COP1: variants seen among roughly 807,000 people sequenced by gnomAD.
COP1 encodes E3 ubiquitin-protein ligase COP1.
COP1 carries 24 observed loss-of-function variants against 101.3 expected under a neutral mutation model. That is an observed-to-expected ratio of 0.24 (90% CI 0.17 to 0.33). The LOEUF (loss-of-function observed/expected upper bound fraction) is 0.33, where lower values mean the gene tolerates loss of function less well. COP1 is among the 10% of genes least tolerant of loss of function. The pLI is 1.00. For synonymous variants in COP1, 347 were observed against 341.9 expected (o/e 1.01, Z -0.17); for missense variants, 663 against 906.2 (o/e 0.73, Z 3.45).
chr1:176,120,271 T>C (rs1426903718), intron 8 of COP1, among the ~76,000 whole-genome samples: 1 of 151,574 alleles, frequency 6.6e-6, no homozygotes, highest in Non-Finnish European at 1.5e-5. Context: ...AATACAAAAA[T>C]GAGCTGGGCA....
At chr1:176,052,959 T>C (rs1267754538) in intron 11 of COP1, among the ~76,000 whole-genome samples, 1 of 152,138 alleles carries the variant, frequency 6.6e-6, no homozygotes, top group African/African-American at 2.4e-5. Context: ...TCAAATTATT[T>C]AACCAGGAAC....
rs115434945 is a variant in COP1, at chr1:176,085,379, G to A, written c.1141+397C>T. Reference sequence around the variant, plus strand: ...GTTTATCTGTTGCTTTCCCTGACTCGATTTACAACACTCCTTAATGACAGA... The same window carrying A: ...GTTTATCTGTTGCTTTCCCTGACTCAATTTACAACACTCCTTAATGACAGA... On this transcript the variant is annotated intron_variant, in intron 10 of 19. Transcript: ENST00000367669. 8.1e-3 allele frequency among the ~76,000 whole-genome samples: 1,234 copies of A among 151,984 alleles called. 25 individuals are homozygous for A. Among genetic ancestry groups the A allele is most frequent in the African/African-American group, 0.028 (1,170 of 41,464 alleles).
At chr1:176,115,681 G>C (rs1686070321) in intron 9 of COP1, among the ~76,000 whole-genome samples, 1 of 151,900 alleles carries the variant, frequency 6.6e-6, no homozygotes, top group Non-Finnish European at 1.5e-5. Context: ...CCCAGGAGGA[G>C]GTTGCAGTGA....
At chr1:175,972,715 C>G (rs183098140) in intron 18 of COP1, among the ~76,000 whole-genome samples, 1 of 152,192 alleles carries the variant, frequency 6.6e-6, no homozygotes, top group East Asian at 1.9e-4. Flanking sequence ...ATCTGCCCGC[C>G]TCGACCTCCC....
chr1:176,203,336 CA>C (rs1332021016), intron 1 of COP1, among the ~76,000 whole-genome samples: 1 of 149,280 alleles, frequency 6.7e-6, no homozygotes, highest in African/African-American at 2.5e-5. Context: ...GACTCCGTCT[CA>C]AAAAAAAAGA....
At chr1:176,000,512 A>G (rs1661344085) in intron 15 of COP1, among the ~76,000 whole-genome samples, 1 of 152,068 alleles carries the variant, frequency 6.6e-6, no homozygotes, top group Non-Finnish European at 1.5e-5. Flanking sequence ...AATGGCTATG[A>G]CAACATTAGA....
intron 15 of COP1, among the ~76,000 whole-genome samples, chr1:176,006,319 C>T (rs1663199618): frequency 6.6e-6 from 1 of 152,152 alleles, no homozygotes; most frequent in South Asian, 2.1e-4. Context: ...CAGTCTGTGT[C>T]TTTTCATTGG....
At chr1:176,083,768 G>C (rs934207133) in intron 10 of COP1, among the ~76,000 whole-genome samples, 5 of 152,058 alleles carry the variant, frequency 3.3e-5, no homozygotes, top group African/African-American at 9.7e-5. Context: ...AACCTCTTAG[G>C]TACACCGTTT....
chr1:176,076,010 A>AG, intron 11 of COP1, among the ~76,000 whole-genome samples: 1 of 151,052 alleles, frequency 6.6e-6, no homozygotes, highest in East Asian at 1.9e-4. Flanking sequence ...TCTCAAAAAA[A>AG]AAAAAAAAAA....
chr1:176,186,482 G>C (rs1049676020), intron 1 of COP1, among the ~76,000 whole-genome samples: 4 of 152,138 alleles, frequency 2.6e-5, no homozygotes, highest in Non-Finnish European at 5.9e-5. Context: ...CGAAGCTGCA[G>C]TGAACAGAGA....
rs747892307 is a variant in COP1, at chr1:176,148,988, A to G, written c.831+18T>C. The G allele has an allele frequency of 4.7e-6, 7 of 1,478,620 alleles. No individual in the cohort carries two copies. Among genetic ancestry groups the G allele is most frequent in the Admixed American group, 1.9e-5 (1 of 52,404 alleles). The allele number at this position is 1,478,620 out of a possible 1,614,324, so 91.6% of individuals were successfully genotyped here. A position where few individuals can be genotyped will look rare whatever the true frequency, so the allele number is the denominator to read the frequency against. ...AATAGTAAATAAAACATTATGTAAA[A>G]CACACAAAATAATATACCTCTCTCT... On this transcript the variant is annotated intron_variant, in intron 6 of 19. Transcript: ENST00000367669.
Position 175,984,965 on chromosome 1 carries a change from A to G in COP1, c.2133+1978T>C, listed in dbSNP as rs370208213. 2.6e-5 allele frequency among the ~76,000 whole-genome samples: 4 copies of G among 152,314 alleles called. No individual in the cohort carries two copies. In the East Asian group the frequency reaches 7.7e-4, roughly 29 times the overall value. ...TTTGCTGATGATTTTACAGACTCAT[A>G]GGCAGAAGGGACTTGGCTTATCTCA... On this transcript the variant is annotated intron_variant, in intron 18 of 19. Coordinates refer to ENST00000367669, the MANE Select transcript of COP1 (RefSeq NM_022457.7).
At chr1:176,190,657 C>T (rs1240118461) in intron 1 of COP1, among the ~76,000 whole-genome samples, 2 of 151,860 alleles carry the variant, frequency 1.3e-5, no homozygotes, top group African/African-American at 2.4e-5. Flanking sequence ...CAAGTAACAT[C>T]GTTAATCAGT....
chr1:176,002,221 A>G (rs1661794113), intron 15 of COP1, among the ~76,000 whole-genome samples: 1 of 152,080 alleles, frequency 6.6e-6, no homozygotes, highest in Non-Finnish European at 1.5e-5. Flanking sequence ...AAATGTTGGC[A>G]TGCTTGATGG....
chr1:176,170,386 G>A (rs1181278549), intron 3 of COP1, among the ~76,000 whole-genome samples: 1 of 152,208 alleles, frequency 6.6e-6, no homozygotes. Context: ...AATAAGACCT[G>A]AAAGTCAAAA....
Position 175,944,934 on chromosome 1 carries a change from A to C in COP1, c.*219T>G. Reference sequence around the variant, plus strand: ...AACACCACCAAGAGCAGCAATGTCCATGGAGTTACATTGATGGTGGAGAGT... The same window carrying C: ...AACACCACCAAGAGCAGCAATGTCCCTGGAGTTACATTGATGGTGGAGAGT... On this transcript the variant is annotated 3_prime_UTR_variant, in exon 20 of 20. Transcript: ENST00000367669. 1 of 511,936 alleles carries C rather than the reference A, an allele frequency of 2.0e-6. No homozygotes were observed. The allele number at this position is 511,936 out of a possible 1,614,324, so 31.7% of individuals were successfully genotyped here.
chr1:176,087,479 A>C lies in COP1; in HGVS notation c.1027-1589T>G, dbSNP rs142136175. ...ACACACTTCTCAAAAGAAGACATTT[A>C]TGCAGCCAACAGACACATGAAAAAG... is the stretch of plus-strand genomic sequence containing the variant. On this transcript the variant is annotated intron_variant, in intron 9 of 19. Transcript: ENST00000367669. Among the ~76,000 whole-genome samples, 400 of 152,354 alleles carry C rather than the reference A, an allele frequency of 2.6e-3. 3 individuals carry two copies. Among genetic ancestry groups the C allele is most frequent in the African/African-American group, 9.2e-3 (382 of 41,592 alleles).
chr1:175,953,810 C>T (rs1256930001), intron 18 of COP1, among the ~76,000 whole-genome samples: 6 of 149,190 alleles, frequency 4.0e-5, no homozygotes, highest in African/African-American at 1.5e-4. Flanking sequence ...TAAAACAAAG[C>T]CAAAACTGAC....
At chr1:176,194,268 G>A (rs1483718843) in intron 1 of COP1, among the ~76,000 whole-genome samples, 1 of 151,980 alleles carries the variant, frequency 6.6e-6, no homozygotes, top group African/African-American at 2.4e-5. Context: ...AAAACAAAGA[G>A]CAAACAAGAC....
Sources: gnomAD v4.1 joint callset for allele counts (sites outside exome capture counted in the v4.1 genomes callset) on GRCh38, gnomAD v4.1.1 for gene constraint, MANE v1.5 for transcripts, NCBI Gene and HGNC (gene_info 2026-07-23, HGNC 2026-07-21) for gene names.